TRMT2A: variants seen among roughly 807,000 people sequenced by gnomAD.
TRMT2A encodes the protein tRNA methyltransferase 2A, also known as tRNA (uracil-5-)-methyltransferase homolog A.
Under a neutral mutation model 59.3 loss-of-function variants are expected in TRMT2A, and 60 were observed. The ratio of observed to expected loss-of-function variants is 1.01; its 90% CI spans 0.82 to 1.26. The LOEUF is 1.26. Ranked by LOEUF, TRMT2A falls within the 50% of genes most tolerant of loss-of-function variation. The pLI, the probability that TRMT2A is intolerant of heterozygous loss-of-function variation, is 0.00. For missense variants in TRMT2A, 863 were observed against 845.2 expected, an observed-to-expected ratio of 1.02 and a Z score of -0.26; for synonymous variants, 403 against 353.7, an observed-to-expected ratio of 1.14 and a Z score of -1.56.
rs375924463 is a variant in TRMT2A at position 20,113,096 on chromosome 22, T to G, written c.1549+22A>C. On this transcript the variant is annotated intron_variant, in intron 10 of 11. Transcript: ENST00000252136. ...CATGTGTCCTCGTTCCCGTGCCACC[T>G]CCTTAAGCAAAAGCCACTCACGCAA... is the stretch of plus-strand genomic sequence containing the variant. 116 of 1,608,768 alleles carry G rather than the reference T, an allele frequency of 7.2e-5. 4 individuals carry two copies. The South Asian group carries it at 1.2e-3, about 17-fold the overall frequency.
chr22:20,114,730 G>A, intron 6 of TRMT2A, 31 bp downstream of exon 6: 3 of 1,610,406 alleles, frequency 1.9e-6, no homozygotes, highest in Non-Finnish European at 2.5e-6. Context: ...GTCCCTGCAG[G>A]GACCTGCCCC....
In TRMT2A at chr22:20,113,444, C is replaced by T. The variant is rs748083454; in HGVS notation, c.1420G>A (p.Ala474Thr). Residue 474 changes from alanine to threonine, a missense_variant, in exon 9 of 12, where the codon GCC (alanine) becomes ACC (threonine). Transcript: ENST00000252136. ...PEAVEDARVN[A>T]QDNELSNVEF... Reference sequence around the variant, plus strand: ...CCTTGCCACTCACCATTGTCCTGGGCGTTCACCCGGGCGTCCTCCACAGCC... The same window carrying T: ...CCTTGCCACTCACCATTGTCCTGGGTGTTCACCCGGGCGTCCTCCACAGCC... 7.6e-6 allele frequency: 12 copies of T among 1,585,716 alleles called. No individual in the cohort carries two copies. The highest frequency in any genetic ancestry group is 6.8e-5 in the East Asian group (3 of 44,202).
chr22:20,112,638 G>C lies in TRMT2A; in HGVS notation c.1803C>G (p.His601Gln), dbSNP rs1255817936. 1.2e-6 allele frequency: 2 copies of C among 1,614,094 alleles called. No homozygotes were observed. Among genetic ancestry groups the C allele is most frequent in the South Asian group, 1.1e-5 (1 of 91,088 alleles). The change falls in exon 12 of 12, where the codon CAC (histidine) becomes CAG (glutamine). Residue 601 changes from histidine (H) to glutamine (Q), a missense_variant. Transcript: ENST00000252136. ...CTGGTGTGGGTTGAGCTGGAGGGCT[G>C]TGGGGCCCCAAGACCCCTGTGCCAT... ...HPNGTGVLGPHSPPAQPTPGP... is the reference protein window; with the variant it reads ...HPNGTGVLGPQSPPAQPTPGP...
chr22:20,113,186 G>A lies in TRMT2A; in HGVS notation c.1481C>T (p.Pro494Leu). 6.3e-7 allele frequency: 1 copy of A among 1,593,244 alleles called. No individual in the cohort carries two copies. The highest frequency in any genetic ancestry group is 8.6e-7 in the Non-Finnish European group (1 of 1,169,082). Residue 494 changes from proline (P) to leucine (L), a missense_variant, in exon 10 of 12, where the codon CCC (proline) becomes CTC (leucine). Transcript: ENST00000252136. ...FHCGRAEDLV[P>L]TLVSRLASQH... Reference sequence around the variant, plus strand: ...GGAGGCCAGTCTGCTCACCAGGGTGGGCACCAGGTCCTCGGCCCTCCCGCA... The same window carrying A: ...GGAGGCCAGTCTGCTCACCAGGGTGAGCACCAGGTCCTCGGCCCTCCCGCA...
Position 20,114,887 on chromosome 22 carries a change from T to A in TRMT2A, c.1006-11A>T, listed in dbSNP as rs2049960649. On this transcript the variant is annotated splice_polypyrimidine_tract_variant and intron_variant, in intron 5 of 11. Transcript: ENST00000252136. ...CTCAGGGCTCAGCTTCTGGAGTAAG[T>A]GGTGAAAAGTTCCCATCAGGCTGTG... 1 of 1,579,924 alleles carries A rather than the reference T, an allele frequency of 6.3e-7. No individual in the cohort carries two copies. The highest frequency in any genetic ancestry group is 8.6e-7 in the Non-Finnish European group (1 of 1,164,358).
Position 20,113,014 on chromosome 22 carries a change from A to C in TRMT2A, c.1550-7T>G, listed in dbSNP as rs757303565. ...GCCAGGATCACCTTGGAATCTGAGGAGGCAAACACCAGCTGGGTCCCCACA... is the reference window on the plus strand; with the variant it reads ...GCCAGGATCACCTTGGAATCTGAGGCGGCAAACACCAGCTGGGTCCCCACA... On this transcript the variant is annotated splice_polypyrimidine_tract_variant and splice_region_variant and intron_variant, in intron 10 of 11. Coordinates refer to ENST00000252136, the MANE Select transcript of TRMT2A (RefSeq NM_022727.6). 3.1e-6 allele frequency: 5 copies of C among 1,613,684 alleles called. No homozygotes were observed. The highest frequency in any genetic ancestry group is 2.5e-6 in the Non-Finnish European group (3 of 1,179,992).
At chr22:20,114,943 C>G in intron 5 of TRMT2A, 22 bp downstream of exon 5, 1 of 1,573,306 alleles carries the variant, frequency 6.4e-7, no homozygotes, top group Non-Finnish European at 8.6e-7. Context: ...GCACCCTCCC[C>G]CAGCAGGGCC....
rs41281429 is a variant in TRMT2A at position 20,111,883 on chromosome 22, G to C, written c.*680C>G. On this transcript the variant is annotated 3_prime_UTR_variant, in exon 12 of 12. Transcript: ENST00000252136. ...GCAAACTGTCCAGAAGGGAATGGCT[G>C]ATGTCTTTATTCTGAGGGTGAGAGG... 1,098 of 162,382 alleles carry C rather than the reference G, an allele frequency of 6.8e-3. 7 individuals are homozygous for C. Among genetic ancestry groups the C allele is most frequent in the Non-Finnish European group, 0.011 (843 of 75,028 alleles). The allele number at this position is 162,382 out of a possible 1,614,324, so 10.1% of individuals were successfully genotyped here. A position where few individuals can be genotyped will look rare whatever the true frequency, so the allele number is the denominator to read the frequency against.
intron 9 of TRMT2A, 31 bp downstream of exon 9, chr22:20,113,401 C>CCCCCCCCCCCCCCCCCCCCGGG: frequency 3.4e-6 from 3 of 893,466 alleles, no homozygotes; most frequent in Non-Finnish European, 3.6e-6. Context: ...CTGCCCCCAT[C>CCCCCCCCCCCCCCCCCCCCGGG]CCCACCCCCA....
At position 20,116,539 on chromosome 22, in the gene TRMT2A, G is replaced by C. The variant is rs566532042; in HGVS notation, c.98C>G (p.Pro33Arg). ...ALSCPTVSVP[P>R]AAPAALEEVE... is the part of the protein sequence containing the mutation. The stretch of plus-strand genomic sequence containing the variant: ...CTCCTCCAGGGCTGCCGGGGCTGCA[G>C]GGGGCACCGAGACGGTAGGGCAGCT... Residue 33 changes from proline (P) to arginine (R), a missense_variant, in exon 2 of 12, where the codon CCT becomes CGT. Transcript: ENST00000252136. 2 of 1,601,510 alleles carry C rather than the reference G, an allele frequency of 1.2e-6. No individual in the cohort carries two copies. Among genetic ancestry groups the C allele is most frequent in the African/African-American group, 2.7e-5 (2 of 74,486 alleles).
At chr22:20,113,869 C>G in intron 7 of TRMT2A, 61 bp from the exon 8 acceptor site, 1 of 1,490,832 alleles carries the variant, frequency 6.7e-7, no homozygotes, top group Non-Finnish European at 8.9e-7. Context: ...ACTGGTGCCC[C>G]GACGCCCACA....
At position 20,112,422 on chromosome 22, in the gene TRMT2A, AG is replaced by A; in HGVS notation, c.*140del. ...CTGGTCAGGGCCCCTGGCCCCTAGC[AG>A]CAGGCCAATCCTGGTGGGGCACAGG... On this transcript the variant is annotated 3_prime_UTR_variant, in exon 12 of 12. Coordinates refer to ENST00000252136, the MANE Select transcript of TRMT2A (RefSeq NM_022727.6). The A allele has an allele frequency of 8.7e-7, 1 of 1,145,964 alleles. No individual in the cohort carries two copies. Among genetic ancestry groups the A allele is most frequent in the South Asian group, 1.7e-5 (1 of 60,094 alleles). 71.0% of individuals were successfully genotyped at this position (1,145,964 alleles called of 1,614,324 possible).
Position 20,116,932 on chromosome 22 carries a change from C to T in TRMT2A, c.-26G>A. On this transcript the variant is annotated 5_prime_UTR_variant, in exon 1 of 12. Transcript: ENST00000252136. ...CGCCCAGGCGGTTCTCCGCCTAGAC[C>T]AGGGACGCCATGGGGGCCGCCTGGC... is the stretch of plus-strand genomic sequence containing the variant. 6.3e-7 allele frequency: 1 copy of T among 1,584,778 alleles called. No homozygotes were observed. Among genetic ancestry groups the T allele is most frequent in the South Asian group, 1.2e-5 (1 of 86,922 alleles).
At chr22:20,112,845 G>A in intron 11 of TRMT2A, 51 bp from the exon 12 acceptor site, 1 of 1,612,484 alleles carries the variant, frequency 6.2e-7, no homozygotes, top group African/African-American at 1.3e-5. Context: ...CTAATCAGGG[G>A]CTCCTGTGGG....
chr22:20,116,838 T>TCCCCCC, intron 1 of TRMT2A, 45 bp downstream of exon 1: 1 of 753,718 alleles, frequency 1.3e-6, no homozygotes, highest in Admixed American at 2.9e-5. Context: ...CCCCGCCTCC[T>TCCCCCC]CCCACCCCAT....
At chr22:20,115,549 T>C (rs1337069405) in intron 3 of TRMT2A, 102 bp from the exon 4 acceptor site, 1 of 1,560,678 alleles carries the variant, frequency 6.4e-7, no homozygotes, top group Admixed American at 1.7e-5. Context: ...GAGGAACAGC[T>C]GACAACTATG....
intron 1 of TRMT2A, 113 bp from the exon 2 acceptor site, chr22:20,116,725 T>G: frequency 7.0e-7 from 1 of 1,422,492 alleles, no homozygotes; most frequent in African/African-American, 1.4e-5. Context: ...CACTCAGCCC[T>G]GCCCCTCCCC....
Position 20,114,826 on chromosome 22 carries a change from G to C in TRMT2A, c.1056C>G (p.His352Gln), listed in dbSNP as rs1482315803. 1 of 1,608,360 alleles carries C rather than the reference G, an allele frequency of 6.2e-7. No individual in the cohort carries two copies. Among genetic ancestry groups the C allele is most frequent in the Non-Finnish European group, 8.5e-7 (1 of 1,178,624 alleles). ...TGGCCCTGCCTGGCCCTGCTGTGAA[G>C]TGCTGCGCTAGGGAGGTCTTCAGCT... ...LAELKTSLAQ[H>Q]FTAGPGRASG... Residue 352 changes from histidine to glutamine, a missense_variant, in exon 6 of 12, where the codon CAC (histidine) becomes CAG (glutamine). His to Gln is a conservative substitution (Grantham distance 24, BLOSUM62 0). Transcript: ENST00000252136.
rs746307900 is a variant in TRMT2A at position 20,112,757 on chromosome 22, G to A, written c.1684C>T (p.Pro562Ser). 6 of 1,613,600 alleles carry A rather than the reference G, an allele frequency of 3.7e-6. No individual in the cohort carries two copies. Among genetic ancestry groups the A allele is most frequent in the South Asian group, 1.1e-5 (1 of 91,086 alleles). ...RAPSNRVKGIPFRPVKAVAVD... is the reference protein window; with the variant it reads ...RAPSNRVKGISFRPVKAVAVD... Reference sequence around the variant, plus strand: ...GCCACAGCCTTGACCGGCCGGAAGGGAATGCCCTTCACCCGGTTAGATGGG... The same window carrying A: ...GCCACAGCCTTGACCGGCCGGAAGGAAATGCCCTTCACCCGGTTAGATGGG... The change falls in exon 12 of 12, where the codon CCC becomes TCC. Residue 562 changes from proline to serine, a missense_variant. Coordinates refer to ENST00000252136, the MANE Select transcript of TRMT2A (RefSeq NM_022727.6).
Sources: allele counts gnomAD v4.1 joint callset, GRCh38; gene constraint gnomAD v4.1.1; transcripts MANE v1.5; gene names NCBI Gene and HGNC (gene_info 2026-07-23, HGNC 2026-07-21).